Variants in SYNDIG1 observed in about 807,000 individuals in gnomAD.
SYNDIG1 encodes synapse differentiation inducing 1.
SYNDIG1 carries 9 observed loss-of-function variants against 19.4 expected under a neutral mutation model. The ratio of observed to expected loss-of-function variants is 0.46; its 90% CI spans 0.28 to 0.81. The LOEUF (loss-of-function observed/expected upper bound fraction) is 0.81. SYNDIG1 is among the 30% of genes least tolerant of loss of function. SYNDIG1 has a pLI of 0.12. For synonymous variants in SYNDIG1, 141 were observed against 145.9 expected (o/e 0.97, Z 0.24); for missense variants, 311 against 343.3 (o/e 0.91, Z 0.74).
chr20:24,579,612 C>T (rs2058289529), intron 2 of SYNDIG1, among the ~76,000 whole-genome samples: 1 of 152,234 alleles, frequency 6.6e-6, no homozygotes, highest in South Asian at 2.1e-4. Context: ...ACACGTGTGG[C>T]TCCTGAGCAT....
intron 3 of SYNDIG1, among the ~76,000 whole-genome samples, chr20:24,620,855 A>C (rs2059027444): frequency 6.6e-6 from 1 of 152,252 alleles, no homozygotes; most frequent in Admixed American, 6.5e-5. Flanking sequence ...ATATCAAATT[A>C]ACAAAATCTC....
intron 1 of SYNDIG1, among the ~76,000 whole-genome samples, chr20:24,500,541 CTT>C (rs749246683): frequency 1.4e-5 from 2 of 144,288 alleles, no homozygotes; most frequent in East Asian, 4.0e-4. Flanking sequence ...TTCTTTCTTT[CTT>C]TCTTTCTTTT....
At chr20:24,482,485 C>A (rs1425487564) in intron 1 of SYNDIG1, among the ~76,000 whole-genome samples, 3 of 152,214 alleles carry the variant, frequency 2.0e-5, no homozygotes, top group Admixed American at 6.5e-5. Context: ...CCTGAGGCAG[C>A]CTTTGGGATC....
chr20:24,532,910 G>T (rs1217954777), intron 1 of SYNDIG1, among the ~76,000 whole-genome samples: 3 of 152,150 alleles, frequency 2.0e-5, no homozygotes, highest in East Asian at 3.9e-4. Context: ...GAATCCAAAA[G>T]ACATCACCAG....
intron 3 of SYNDIG1, among the ~76,000 whole-genome samples, chr20:24,636,074 T>TG (rs1200647759): frequency 4.6e-5 from 7 of 152,248 alleles, no homozygotes; most frequent in East Asian, 3.9e-4. Context: ...GTCTGGACTT[T>TG]GGGGGGGCTC....
chr20:24,583,558 C>T (rs1331795798), intron 2 of SYNDIG1, among the ~76,000 whole-genome samples: 2 of 152,116 alleles, frequency 1.3e-5, no homozygotes, highest in East Asian at 1.9e-4. Context: ...GTGGCCCTGG[C>T]GTTTGGAAGA....
At chr20:24,634,250 A>C (rs1293972116) in intron 3 of SYNDIG1, among the ~76,000 whole-genome samples, 1 of 152,252 alleles carries the variant, frequency 6.6e-6, no homozygotes, top group Non-Finnish European at 1.5e-5. Context: ...TACTTCTGGT[A>C]TCTGCATATA....
intron 3 of SYNDIG1, among the ~76,000 whole-genome samples, chr20:24,628,353 A>T (rs762772373): frequency 2.0e-5 from 3 of 152,100 alleles, no homozygotes; most frequent in African/African-American, 7.2e-5. Context: ...ACCTTCCATT[A>T]TGCAGCTCTG....
At chr20:24,595,764 T>C (rs967591137) in intron 3 of SYNDIG1, among the ~76,000 whole-genome samples, 58 of 152,246 alleles carry the variant, frequency 3.8e-4, no homozygotes, top group African/African-American at 1.3e-3. Flanking sequence ...CTAGGTGTTA[T>C]AGATGGTGTG....
intron 3 of SYNDIG1, among the ~76,000 whole-genome samples, chr20:24,634,998 A>G (rs1167811505): frequency 6.6e-6 from 1 of 152,142 alleles, no homozygotes. Context: ...CAGCTCCCAC[A>G]CGGCAGCCCC....
rs8119455 is a variant in SYNDIG1 at position 24,644,823 on chromosome 20, C to T, written c.619-20523C>T. ...GTGGTTGTCTTAAGCCACTGGGGTA[C>T]TTAGCCACAGAACAATAGATCACCA... On this transcript the variant is annotated intron_variant, in intron 3 of 3. Coordinates refer to ENST00000376862, the MANE Select transcript of SYNDIG1 (RefSeq NM_024893.3). 6.9e-3 allele frequency among the ~76,000 whole-genome samples: 1,055 copies of T among 152,302 alleles called. 13 individuals carry two copies. Among genetic ancestry groups the T allele is most frequent in the African/African-American group, 0.024 (1,003 of 41,560 alleles).
At chr20:24,505,268 T>C (rs924051677) in intron 1 of SYNDIG1, among the ~76,000 whole-genome samples, 3 of 151,962 alleles carry the variant, frequency 2.0e-5, no homozygotes, top group East Asian at 3.9e-4. Flanking sequence ...CAGCCAAGGG[T>C]GCGCAGCCAG....
chr20:24,644,973 C>A (rs1369771177), intron 3 of SYNDIG1, among the ~76,000 whole-genome samples: 3 of 152,186 alleles, frequency 2.0e-5, no homozygotes, highest in Non-Finnish European at 4.4e-5. Flanking sequence ...GAAATTGAAG[C>A]ACAGAGAAGG....
At chr20:24,626,399 G>T (rs569344578) in intron 3 of SYNDIG1, among the ~76,000 whole-genome samples, 3 of 151,848 alleles carry the variant, frequency 2.0e-5, no homozygotes, top group African/African-American at 7.2e-5. Flanking sequence ...TCCCAGACAG[G>T]GTCGTGGCCG....
intron 3 of SYNDIG1, among the ~76,000 whole-genome samples, chr20:24,611,300 G>A (rs11700002): frequency 0.16 from 24,497 of 152,020 alleles, 2,373 homozygotes; most frequent in East Asian, 0.36. Context: ...TATTCTTCCA[G>A]CTCACGACCT....
chr20:24,490,347 T>G (rs999364794), intron 1 of SYNDIG1, among the ~76,000 whole-genome samples: 1 of 152,106 alleles, frequency 6.6e-6, no homozygotes, highest in African/African-American at 2.4e-5. Flanking sequence ...TATGAGCCCA[T>G]GAGGATGGGA....
At chr20:24,564,363 A>G (rs115054585) in intron 2 of SYNDIG1, among the ~76,000 whole-genome samples, 375 of 152,324 alleles carry the variant, frequency 2.5e-3, no homozygotes, top group African/African-American at 8.8e-3. Flanking sequence ...ATTTCAACCA[A>G]TATCTTTCTT....
rs148340902 is a variant in SYNDIG1 at position 24,527,451 on chromosome 20, C to T, written c.-78-15569C>T. ...GAACAATTGTTCTATACTTTCTTCT[C>T]ACTATAAAAATATGTAAAGTCCTTG... is the stretch of plus-strand genomic sequence containing the variant. On this transcript the variant is annotated intron_variant, in intron 1 of 3. Coordinates refer to ENST00000376862, the MANE Select transcript of SYNDIG1 (RefSeq NM_024893.3). Among the ~76,000 whole-genome samples the T allele has an allele frequency of 8.5e-5, 13 of 152,196 alleles. No individual in the cohort carries two copies. In the East Asian group the frequency reaches 2.3e-3, roughly 27 times the overall value.
At chr20:24,540,425 A>G (rs2057446538) in intron 1 of SYNDIG1, among the ~76,000 whole-genome samples, 1 of 152,170 alleles carries the variant, frequency 6.6e-6, no homozygotes, top group African/African-American at 2.4e-5. Flanking sequence ...TGTTCAATAA[A>G]AGTGGGAAAA....
Sources: allele counts gnomAD v4.1 joint callset (sites outside exome capture counted in the v4.1 genomes callset), GRCh38; gene constraint gnomAD v4.1.1; transcripts MANE v1.5; gene names NCBI Gene and HGNC (gene_info 2026-07-23, HGNC 2026-07-21).